CEP128: variants seen among roughly 807,000 people sequenced by gnomAD.
The protein encoded by CEP128 is centrosomal protein 128.
In CEP128, 132 loss-of-function variants were observed where a neutral mutation model predicts 156.7. That is an observed-to-expected ratio of 0.84 (90% CI 0.73 to 0.97). The LOEUF is 0.97. Ranked by LOEUF, CEP128 falls within the 50% of genes least tolerant of loss-of-function variation. CEP128 has a pLI of 0.00. For synonymous variants in CEP128, 469 were observed against 448.9 expected (o/e 1.04, Z -0.57); for missense variants, 1,252 against 1,281.9 (o/e 0.98, Z 0.36).
At chr14:80,517,895 G>T (rs555193879) in intron 23 of CEP128, among the ~76,000 whole-genome samples, 1 of 152,166 alleles carries the variant, frequency 6.6e-6, no homozygotes, top group South Asian at 2.1e-4. Context: ...GAGTGGCAAT[G>T]GGCGCCTCGC....
chr14:80,585,777 A>G (rs2140464789), intron 19 of CEP128, among the ~76,000 whole-genome samples: 1 of 152,338 alleles, frequency 6.6e-6, no homozygotes, highest in Non-Finnish European at 1.5e-5. Context: ...CACAATAGAT[A>G]ATGCAAATTC....
chr14:80,608,678 A>G (rs1040883042), intron 19 of CEP128, among the ~76,000 whole-genome samples: 6 of 151,930 alleles, frequency 3.9e-5, no homozygotes, highest in Non-Finnish European at 7.4e-5. Context: ...CTAAATCTAC[A>G]TCTGTTTCTT....
chr14:80,494,278 C>T (rs1364831806), downstream of CEP128, among the ~76,000 whole-genome samples: 1 of 152,114 alleles, frequency 6.6e-6, no homozygotes, highest in Non-Finnish European at 1.5e-5. Flanking sequence ...AGAACAGCTT[C>T]CTCATTTGAA....
intron 2 of CEP128, among the ~76,000 whole-genome samples, chr14:80,933,031 A>G (rs1158764817): frequency 6.6e-6 from 1 of 152,082 alleles, no homozygotes; most frequent in Non-Finnish European, 1.5e-5. Flanking sequence ...AACTCCATCA[A>G]GTTTCAGCAG....
rs1470875960 is a variant in CEP128 at position 80,785,134 on chromosome 14, T to C, written c.1972A>G (p.Lys658Glu). ...ANKLAEEERA[K>E]KAVLKDLSDL... ...GAAAGGTCCTTAAGCACTGCTTTCTTGGCTCTCTCTTCCTCAGCCAATTTA... is the reference window on the plus strand; with the variant it reads ...GAAAGGTCCTTAAGCACTGCTTTCTCGGCTCTCTCTTCCTCAGCCAATTTA... Residue 658 changes from lysine (K) to glutamate (E), a missense_variant, in exon 15 of 25, where the codon AAG (lysine) becomes GAG (glutamate). Coordinates refer to ENST00000555265, the MANE Select transcript of CEP128 (RefSeq NM_152446.5). 2.5e-6 allele frequency: 4 copies of C among 1,614,062 alleles called. No homozygotes were observed. The highest frequency in any genetic ancestry group is 3.4e-6 in the Non-Finnish European group (4 of 1,180,006).
chr14:80,531,395 G>A (rs1889220397), intron 21 of CEP128, among the ~76,000 whole-genome samples: 1 of 152,138 alleles, frequency 6.6e-6, no homozygotes, highest in Non-Finnish European at 1.5e-5. Flanking sequence ...AGAAATATCT[G>A]AAATTAAACA....
chr14:80,935,789 T>C (rs1265337861), intron 2 of CEP128, among the ~76,000 whole-genome samples: 1 of 151,904 alleles, frequency 6.6e-6, no homozygotes, highest in Non-Finnish European at 1.5e-5. Context: ...ATAATACTAA[T>C]AATTCAACAA....
intron 2 of CEP128, among the ~76,000 whole-genome samples, chr14:80,948,005 C>T (rs1165769292): frequency 6.6e-6 from 1 of 152,150 alleles, no homozygotes; most frequent in African/African-American, 2.4e-5. Context: ...GGTCAAGCTC[C>T]CCTATAGTAT....
intron 2 of CEP128, among the ~76,000 whole-genome samples, chr14:80,920,369 G>T (rs1249966987): frequency 6.6e-6 from 1 of 152,182 alleles, no homozygotes; most frequent in Admixed American, 6.5e-5. Context: ...CACATAATCA[G>T]AACCTACAGT....
At chr14:80,493,605 T>C (rs1353000528), downstream of CEP128, among the ~76,000 whole-genome samples, 1 of 152,102 alleles carries the variant, frequency 6.6e-6, no homozygotes, top group Non-Finnish European at 1.5e-5. Flanking sequence ...GTTTTAGCCA[T>C]AAGAATGGCC....
chr14:80,952,389 A>G (rs1330128164), intron 2 of CEP128, among the ~76,000 whole-genome samples: 2 of 152,186 alleles, frequency 1.3e-5, no homozygotes, highest in East Asian at 3.8e-4. Flanking sequence ...TGGAAACTAA[A>G]CCACATGCTT....
At chr14:80,609,129 A>T (rs1892899317) in intron 19 of CEP128, among the ~76,000 whole-genome samples, 1 of 152,240 alleles carries the variant, frequency 6.6e-6, no homozygotes, top group Non-Finnish European at 1.5e-5. Flanking sequence ...TTTCTACAGT[A>T]GAGCTTTCAT....
intron 19 of CEP128, among the ~76,000 whole-genome samples, chr14:80,634,388 A>C (rs1332873011): frequency 2.0e-5 from 3 of 152,248 alleles, no homozygotes; most frequent in Non-Finnish European, 4.4e-5. Flanking sequence ...AAAGCAATAA[A>C]AATGTTCTCC....
chr14:80,665,575 G>C (rs979039538), intron 19 of CEP128, among the ~76,000 whole-genome samples: 10 of 152,078 alleles, frequency 6.6e-5, no homozygotes, highest in African/African-American at 2.4e-4. Flanking sequence ...TAAAGAAAAA[G>C]GGGATAATTC....
At chr14:80,649,329 C>G (rs1004115267) in intron 19 of CEP128, among the ~76,000 whole-genome samples, 1 of 151,970 alleles carries the variant, frequency 6.6e-6, no homozygotes, top group African/African-American at 2.4e-5. Flanking sequence ...CTCACAATCT[C>G]ACTTGTTAAA....
rs76747701 is a variant in CEP128 at position 80,890,946 on chromosome 14, G to T, written c.645+4772C>A. Among the ~76,000 whole-genome samples the T allele has an allele frequency of 2.0e-5, 3 of 152,144 alleles. No homozygotes were observed. In the South Asian group the frequency reaches 6.2e-4, roughly 32 times the overall value. On this transcript the variant is annotated intron_variant, in intron 8 of 24. Transcript: ENST00000555265. ...AAACGGCAAACAGGTATACAAAAAG[G>T]TGCTCAAGATCAATGAGCATCAGAG... is the stretch of plus-strand genomic sequence containing the variant.
intron 2 of CEP128, chr14:80,955,160 G>T (rs1460460979): frequency 4.7e-6 from 1 of 212,940 alleles, no homozygotes. Context: ...GCAGGACATT[G>T]GTCCGCCCGC....
intron 21 of CEP128, among the ~76,000 whole-genome samples, chr14:80,540,404 T>G (rs1358861478): frequency 6.6e-6 from 1 of 152,084 alleles, no homozygotes; most frequent in Non-Finnish European, 1.5e-5. Flanking sequence ...GTTCCCCCAG[T>G]AAGGATAAAC....
At chr14:80,936,327 A>C (rs1724937907) in intron 2 of CEP128, among the ~76,000 whole-genome samples, 1 of 152,158 alleles carries the variant, frequency 6.6e-6, no homozygotes, top group South Asian at 2.1e-4. Flanking sequence ...GGCTGCAGTG[A>C]TCCAAGATGA....
Sources: allele counts gnomAD v4.1 joint callset (sites outside exome capture counted in the v4.1 genomes callset), GRCh38; gene constraint gnomAD v4.1.1; transcripts MANE v1.5; gene names NCBI Gene and HGNC (gene_info 2026-07-23, HGNC 2026-07-21).